NGLY1: variants seen among roughly 807,000 people sequenced by gnomAD.
The protein encoded by NGLY1 is peptide-N(4)-(N-acetyl-beta-glucosaminyl)asparagine amidase.
Under a neutral mutation model 84.6 loss-of-function variants are expected in NGLY1, and 68 were observed. The observed-to-expected ratio is 0.80, with a 90% CI of 0.66 to 0.98. NGLY1 has a LOEUF of 0.98. Among genes scored for constraint, NGLY1 ranks in the 50% least tolerant of loss-of-function variants. NGLY1 has a pLI of 0.00. For missense variants in NGLY1, 779 were observed against 770.2 expected (o/e 1.01, Z -0.14); for synonymous variants, 280 against 275.2 (o/e 1.02, Z -0.17).
chr3:25,765,367 G>A (rs760877309), intron 2 of NGLY1, among the ~76,000 whole-genome samples: 14 of 151,830 alleles, frequency 9.2e-5, no homozygotes, highest in Non-Finnish European at 1.8e-4. Context: ...GGCTGAGGCA[G>A]GAGAATTGCT....
chr3:25,766,281 G>A (rs2125294715), intron 2 of NGLY1, among the ~76,000 whole-genome samples: 1 of 152,198 alleles, frequency 6.6e-6, no homozygotes, highest in African/African-American at 2.4e-5. Flanking sequence ...TGGTCAGGCT[G>A]GTCTCAAACT....
At chr3:25,739,361 C>T (rs901243921) in intron 5 of NGLY1, among the ~76,000 whole-genome samples, 1 of 152,050 alleles carries the variant, frequency 6.6e-6, no homozygotes, top group African/African-American at 2.4e-5. Flanking sequence ...AAAAACAGAC[C>T]ATAAGCAAAT....
intron 2 of NGLY1, among the ~76,000 whole-genome samples, chr3:25,774,038 C>G (rs112968799): frequency 1.3e-5 from 2 of 152,320 alleles, no homozygotes; most frequent in African/African-American, 4.8e-5. Context: ...GAAGTGGACT[C>G]TGTGTGGGAC....
chr3:25,755,466 G>T, intron 3 of NGLY1: 4 of 1,465,132 alleles, frequency 2.7e-6, no homozygotes, highest in Non-Finnish European at 3.8e-6. Context: ...ACAAGCCAAA[G>T]ATTTAACAGT....
At chr3:25,771,378 T>G (rs1707882919) in intron 2 of NGLY1, among the ~76,000 whole-genome samples, 1 of 152,206 alleles carries the variant, frequency 6.6e-6, no homozygotes, top group East Asian at 1.9e-4. Context: ...CTGAGTTATT[T>G]ATTCTATTCT....
chr3:25,759,570 A>G (rs1480252594), intron 3 of NGLY1, among the ~76,000 whole-genome samples: 2 of 152,180 alleles, frequency 1.3e-5, no homozygotes, highest in Admixed American at 6.5e-5. Context: ...ATTTCTTTAC[A>G]TATTCATTGG....
intron 5 of NGLY1, among the ~76,000 whole-genome samples, chr3:25,737,907 T>C (rs1705925757): frequency 6.6e-6 from 1 of 152,154 alleles, no homozygotes; most frequent in African/African-American, 2.4e-5. Flanking sequence ...GTTAGAACAT[T>C]TGGTGAAAAA....
intron 4 of NGLY1, among the ~76,000 whole-genome samples, chr3:25,740,846 G>C (rs188734790): frequency 8.5e-5 from 13 of 152,062 alleles, no homozygotes; most frequent in Admixed American, 3.3e-4. Context: ...TGACAAGCTA[G>C]CCAGGTGTGG....
rs1706026953 is a variant in NGLY1, at chr3:25,739,669, T to C, written c.789A>G (p.Ser263=). The C allele has an allele frequency of 3.1e-6, 5 of 1,614,000 alleles. No homozygotes were observed. The highest frequency in any genetic ancestry group is 3.4e-6 in the Non-Finnish European group (4 of 1,179,998). ...CGGQTRSRDR[S]LLPSDDELKW... ...TCAGCTCATCATCACTGGGCAGTAA[T>C]GATCTATCTCTAGACCTAGTCTGTC... Residue 263 remains serine, a synonymous_variant, in exon 5 of 12, where the codon TCA becomes TCG. Coordinates refer to ENST00000280700, the MANE Select transcript of NGLY1 (RefSeq NM_018297.4).
At chr3:25,721,054 G>A (rs997636638) in intron 10 of NGLY1, among the ~76,000 whole-genome samples, 3 of 152,150 alleles carry the variant, frequency 2.0e-5, no homozygotes, top group East Asian at 3.8e-4. Flanking sequence ...ATTGACTACT[G>A]TTGTACAATT....
intron 4 of NGLY1, among the ~76,000 whole-genome samples, chr3:25,740,683 A>G (rs1234303402): frequency 6.6e-6 from 1 of 152,110 alleles, no homozygotes; most frequent in African/African-American, 2.4e-5. Context: ...AAAAAACTAC[A>G]GAAAAAAAAA....
chr3:25,731,866 C>G lies in NGLY1; in HGVS notation c.1425+453G>C, dbSNP rs1022259743. Among the ~76,000 whole-genome samples, 81 of 152,158 alleles carry G rather than the reference C, an allele frequency of 5.3e-4. 2 individuals carry two copies. Among genetic ancestry groups the G allele is most frequent in the Admixed American group, 4.2e-3 (64 of 15,268 alleles). On this transcript the variant is annotated intron_variant, in intron 9 of 11. Coordinates refer to ENST00000280700, the MANE Select transcript of NGLY1 (RefSeq NM_018297.4). ...TTATAAAGCACAATAACAGGCAAAACTAATATATGATGTTAGAAGCCAGAA... is the reference window on the plus strand; with the variant it reads ...TTATAAAGCACAATAACAGGCAAAAGTAATATATGATGTTAGAAGCCAGAA...
In NGLY1 at chr3:25,778,629, C is replaced by G; in HGVS notation, c.191G>C (p.Arg64Thr). The change falls in exon 2 of 12, where the codon AGA (arginine) becomes ACA (threonine). Residue 64 changes from arginine (R) to threonine (T), a missense_variant. Coordinates refer to ENST00000280700, the MANE Select transcript of NGLY1 (RefSeq NM_018297.4). Reference protein sequence around the residue: ...IRIGNTAFSTRLLPVRGAVEC... With the variant: ...IRIGNTAFSTTLLPVRGAVEC... ...AACAGCTCCTCTGACAGGCAAGAGT[C>G]TAGTAGAAAAGGCTGTGTTTCCAAT... 6.2e-7 allele frequency: 1 copy of G among 1,612,568 alleles called. No homozygotes were observed. The highest frequency in any genetic ancestry group is 8.5e-7 in the Non-Finnish European group (1 of 1,179,168).
chr3:25,765,478 C>T (rs1707518607), intron 2 of NGLY1, among the ~76,000 whole-genome samples: 1 of 149,366 alleles, frequency 6.7e-6, no homozygotes, highest in African/African-American at 2.5e-5. Flanking sequence ...AAAAAAGTTG[C>T]AACAGTCTGT....
In NGLY1 at chr3:25,764,174, A is replaced by G; in HGVS notation, c.384T>C (p.Pro128=). 6.2e-7 allele frequency: 1 copy of G among 1,614,188 alleles called. No homozygotes were observed. The highest frequency in any genetic ancestry group is 8.5e-7 in the Non-Finnish European group (1 of 1,180,024). ...KSHKVKSSQQ[P]AASTQLPTTP... Reference sequence around the variant, plus strand: ...TTGTAGGAAGCTGGGTACTGGCTGCAGGTTGCTGAGATGACTTTACTTTGT... The same window carrying G: ...TTGTAGGAAGCTGGGTACTGGCTGCGGGTTGCTGAGATGACTTTACTTTGT... The change falls in exon 3 of 12, where the codon CCT becomes CCC. Residue 128 remains proline (P), a synonymous_variant. Coordinates refer to ENST00000280700, the MANE Select transcript of NGLY1 (RefSeq NM_018297.4).
intron 2 of NGLY1, among the ~76,000 whole-genome samples, chr3:25,768,261 A>G (rs1707711397): frequency 6.6e-6 from 1 of 151,694 alleles, no homozygotes; most frequent in Non-Finnish European, 1.5e-5. Context: ...TGTCTCTACT[A>G]AAAATACAAA....
chr3:25,763,853 C>T (rs1239260343), intron 3 of NGLY1, among the ~76,000 whole-genome samples: 1 of 152,110 alleles, frequency 6.6e-6, no homozygotes, highest in Non-Finnish European at 1.5e-5. Flanking sequence ...CAGTGAAAGG[C>T]AGCAGGTACA....
chr3:25,775,516 G>A lies in NGLY1; in HGVS notation c.246+3058C>T, dbSNP rs538171663. Among the ~76,000 whole-genome samples, 39 of 152,284 alleles carry A rather than the reference G, an allele frequency of 2.6e-4. No homozygotes were observed. The South Asian group carries it at 7.7e-3, about 30-fold the overall frequency. On this transcript the variant is annotated intron_variant, in intron 2 of 11. Coordinates refer to ENST00000280700, the MANE Select transcript of NGLY1 (RefSeq NM_018297.4). The stretch of plus-strand genomic sequence containing the variant: ...ATGGATGGAAATGGAGGGACATTAT[G>A]TTAAGTAAAATAAGCCAGAATTCAG...
intron 5 of NGLY1, among the ~76,000 whole-genome samples, chr3:25,737,808 T>A (rs1437287095): frequency 6.6e-6 from 1 of 152,156 alleles, no homozygotes; most frequent in Non-Finnish European, 1.5e-5. Context: ...CCTCCCAAAG[T>A]GCTGAGATTA....
Sources: allele counts gnomAD v4.1 joint callset (sites outside exome capture counted in the v4.1 genomes callset), GRCh38; gene constraint gnomAD v4.1.1; transcripts MANE v1.5; gene names NCBI Gene and HGNC (gene_info 2026-07-23, HGNC 2026-07-21).